Variants in CDKL1 observed in about 807,000 individuals in gnomAD.
CDKL1 encodes the protein cyclin-dependent kinase-like 1.
In CDKL1, 41 loss-of-function variants were observed where a neutral mutation model predicts 42.0. That is an observed-to-expected ratio of 0.98 (90% CI 0.76 to 1.27). The LOEUF (loss-of-function observed/expected upper bound fraction) is 1.27. Among genes scored for constraint, CDKL1 ranks in the 50% most tolerant of loss-of-function variants. CDKL1 has a pLI of 0.00. For synonymous variants in CDKL1, 153 were observed against 158.6 expected, an observed-to-expected ratio of 0.96 and a Z score of 0.26; for missense variants, 394 against 428.4, an observed-to-expected ratio of 0.92 and a Z score of 0.71.
chr14:50,340,063 T>C (rs1249975236), intron 6 of CDKL1, among the ~76,000 whole-genome samples: 1 of 152,146 alleles, frequency 6.6e-6, no homozygotes, highest in East Asian at 1.9e-4. Context: ...GCACAATTCC[T>C]TGCACCTTAA....
At chr14:50,332,902 ACTT>A in intron 8 of CDKL1, 1 of 346,174 alleles carries the variant, frequency 2.9e-6, no homozygotes, top group Non-Finnish European at 4.9e-6. Flanking sequence ...AAAATCAGCT[ACTT>A]TTTTTTTTTT....
At chr14:50,370,950 A>T (rs1307784986) in intron 2 of CDKL1, among the ~76,000 whole-genome samples, 1 of 152,170 alleles carries the variant, frequency 6.6e-6, no homozygotes, top group Admixed American at 6.6e-5. Context: ...AAATATCCAA[A>T]CTATATCAAT....
At chr14:50,340,926 C>T (rs2033492361) in intron 6 of CDKL1, 106 bp downstream of exon 6, 2 of 1,190,254 alleles carry the variant, frequency 1.7e-6, no homozygotes, top group East Asian at 5.0e-5. Context: ...TCTTTCCTAA[C>T]TAATGCCTTA....
rs139686360 is a variant in CDKL1 at position 50,376,301 on chromosome 14, A to G, written c.169-17152T>C. On this transcript the variant is annotated intron_variant, in intron 2 of 9. Transcript: ENST00000395834. ...TAATCTAAAACTATTCTAAAAATAA[A>G]ATTTATTGAAAACACACACAGACAC... 1.5e-3 allele frequency: 653 copies of G among 446,460 alleles called. 4 individuals are homozygous for G. The highest frequency in any genetic ancestry group is 0.012 in the African/African-American group (587 of 48,820). The allele number at this position is 446,460 out of a possible 1,614,324, so 27.7% of individuals were successfully genotyped here. A position where few individuals can be genotyped will look rare whatever the true frequency, so the allele number is the denominator to read the frequency against.
chr14:50,381,903 G>A (rs2034919315), intron 2 of CDKL1, among the ~76,000 whole-genome samples: 2 of 152,092 alleles, frequency 1.3e-5, no homozygotes, highest in Admixed American at 6.6e-5. Flanking sequence ...CTCCCAAAGC[G>A]CTGGAATCAC....
intron 3 of CDKL1, among the ~76,000 whole-genome samples, chr14:50,356,456 A>G (rs1193950623): frequency 2.6e-5 from 4 of 152,238 alleles, no homozygotes; most frequent in African/African-American, 4.8e-5. Context: ...TAGACTGGAA[A>G]AAGAAAATGT....
chr14:50,391,894 C>T (rs7155715), intron 2 of CDKL1, among the ~76,000 whole-genome samples: 38,894 of 152,104 alleles, frequency 0.26, 5,293 homozygotes, highest in African/African-American at 0.34. Flanking sequence ...TCTTTACGAA[C>T]ACCTCTGCCC....
chr14:50,364,154 C>T (rs2034371561), intron 2 of CDKL1, among the ~76,000 whole-genome samples: 1 of 152,216 alleles, frequency 6.6e-6, no homozygotes, highest in Non-Finnish European at 1.5e-5. Context: ...CACCTTGCTA[C>T]GTTACTATAC....
chr14:50,396,569 G>T (rs1303055996), intron 1 of CDKL1, among the ~76,000 whole-genome samples: 1 of 152,208 alleles, frequency 6.6e-6, no homozygotes, highest in African/African-American at 2.4e-5. Context: ...CTGGAGTACG[G>T]GGAGGGCTAA....
At chr14:50,352,228 GAA>G (rs2033924452) in intron 3 of CDKL1, among the ~76,000 whole-genome samples, 1 of 152,104 alleles carries the variant, frequency 6.6e-6, no homozygotes, top group Non-Finnish European at 1.5e-5. Flanking sequence ...CATATTTTCT[GAA>G]AGAGTTTGGG....
intron 2 of CDKL1, among the ~76,000 whole-genome samples, chr14:50,371,726 A>G (rs1466281697): frequency 1.3e-5 from 2 of 152,032 alleles, no homozygotes; most frequent in Non-Finnish European, 2.9e-5. Context: ...CAGGAGCCCC[A>G]CCCTCCCAGG....
At chr14:50,333,073 T>G (rs942487347) in intron 8 of CDKL1, 2 of 150,752 alleles carry the variant, frequency 1.3e-5, no homozygotes, top group African/African-American at 6.1e-5. Context: ...TTGGATAGAT[T>G]AGATTAAATT....
At position 50,395,749 on chromosome 14, in the gene CDKL1, ATCT is replaced by A; in HGVS notation, c.117_119del (p.Glu39del). 2.5e-6 allele frequency: 4 copies of A among 1,614,048 alleles called. No individual in the cohort carries two copies. Among genetic ancestry groups the A allele is most frequent in the Non-Finnish European group, 3.4e-6 (4 of 1,179,850 alleles). ...GGGCAATTTTCTTTATGACAGGGTC[ATCT>A]TCTGATTCCAGAAACTTCTTGATGG... On this transcript the variant is annotated inframe_deletion, in exon 2 of 10. Transcript: ENST00000395834.
chr14:50,341,290 A>G, intron 5 of CDKL1, 58 bp from the exon 6 acceptor site: 1 of 1,532,574 alleles, frequency 6.5e-7, no homozygotes, highest in South Asian at 1.3e-5. Context: ...ATCAAAACTG[A>G]GGGGGAGATC....
intron 9 of CDKL1, 140 bp from the exon 10 acceptor site, chr14:50,330,321 G>A (rs990115659): frequency 8.8e-6 from 9 of 1,023,848 alleles, no homozygotes; most frequent in Admixed American, 7.3e-5. Context: ...CTTGAGAGAG[G>A]ATTAAATGTT....
chr14:50,376,883 T>C (rs969003881), intron 2 of CDKL1, among the ~76,000 whole-genome samples: 2 of 152,110 alleles, frequency 1.3e-5, no homozygotes, highest in African/African-American at 4.8e-5. Context: ...ACAAGGTCGA[T>C]AGGGGCATAG....
At chr14:50,368,988 TC>T (rs959546927) in intron 2 of CDKL1, among the ~76,000 whole-genome samples, 1 of 150,182 alleles carries the variant, frequency 6.7e-6, no homozygotes, top group African/African-American at 2.5e-5. Context: ...TGCCTCAGCC[TC>T]CCAAGCAGCT....
chr14:50,351,811 CAAGTGTTAA>C (rs1230911443), intron 3 of CDKL1, among the ~76,000 whole-genome samples: 2 of 150,790 alleles, frequency 1.3e-5, no homozygotes, highest in African/African-American at 2.4e-5. Flanking sequence ...TAAAACAAGG[CAAGTGTTAA>C]TTTGAGGAAA....
At chr14:50,382,327 C>T (rs1195713867) in intron 2 of CDKL1, among the ~76,000 whole-genome samples, 3 of 152,110 alleles carry the variant, frequency 2.0e-5, no homozygotes, top group Admixed American at 2.0e-4. Context: ...GTAGCGGGCG[C>T]CTGTAGTCCC....
Sources: allele counts gnomAD v4.1 joint callset (sites outside exome capture counted in the v4.1 genomes callset), GRCh38; gene constraint gnomAD v4.1.1; transcripts MANE v1.5; gene names NCBI Gene and HGNC (gene_info 2026-07-23, HGNC 2026-07-21).